Variants in GPR137B observed in about 807,000 individuals in gnomAD.
GPR137B encodes G protein-coupled receptor 137B, also known as integral membrane protein GPR137B.
In GPR137B, 42 loss-of-function variants were observed where a neutral mutation model predicts 42.5. The ratio of observed to expected loss-of-function variants is 0.99; its 90% CI spans 0.77 to 1.28. The LOEUF (loss-of-function observed/expected upper bound fraction) is 1.28, where lower values mean the gene tolerates loss of function less well. GPR137B is among the 50% of genes most tolerant of loss of function. GPR137B has a pLI of 0.00. For missense variants in GPR137B, 487 were observed against 493.9 expected (o/e 0.99, Z 0.13); for synonymous variants, 218 against 209.7 (o/e 1.04, Z -0.34).
At chr1:236,177,337 T>C (rs1419798012) in intron 2 of GPR137B, among the ~76,000 whole-genome samples, 1 of 152,028 alleles carries the variant, frequency 6.6e-6, no homozygotes, top group Admixed American at 6.6e-5. Context: ...CCTCTTTCTC[T>C]CTCTACCCCC....
Position 236,208,535 on chromosome 1 carries a change from G to C in GPR137B, c.*377G>C. On this transcript the variant is annotated 3_prime_UTR_variant, in exon 7 of 7. Coordinates refer to ENST00000366592, the MANE Select transcript of GPR137B (RefSeq NM_003272.4). ...ATGCATAATTCACTTTAAAAATATA[G>C]AATATATGGTCTAATAGTTTTTTAA... is the stretch of plus-strand genomic sequence containing the variant. 1 of 942,540 alleles carries C rather than the reference G, an allele frequency of 1.1e-6. No homozygotes were observed. The highest frequency in any genetic ancestry group is 4.8e-5 in the South Asian group (1 of 20,900). The allele number at this position is 942,540 out of a possible 1,614,324, so 58.4% of individuals were successfully genotyped here.
chr1:236,168,576 G>A (rs1024587816), intron 1 of GPR137B, 130 bp from the exon 2 acceptor site: 4 of 704,632 alleles, frequency 5.7e-6, no homozygotes, highest in South Asian at 4.7e-5. Context: ...TAACAAACGT[G>A]GACATTTCAA....
At position 236,208,902 on chromosome 1, in the gene GPR137B, T is replaced by C; in HGVS notation, c.*744T>C. 1.0e-6 allele frequency: 1 copy of C among 984,568 alleles called. No homozygotes were observed. Among genetic ancestry groups the C allele is most frequent in the Non-Finnish European group, 1.2e-6 (1 of 829,142 alleles). 61.0% of individuals were successfully genotyped at this position (984,568 alleles called of 1,614,324 possible). A position where few individuals can be genotyped will look rare whatever the true frequency, so the allele number is the denominator to read the frequency against. ...ATCCTATTAAACCTCCTCTGCTATG[T>C]TCACAGATTCTGCATAGTTTTTTTT... On this transcript the variant is annotated 3_prime_UTR_variant, in exon 7 of 7. Coordinates refer to ENST00000366592, the MANE Select transcript of GPR137B (RefSeq NM_003272.4).
chr1:236,208,180 A>G lies in GPR137B; in HGVS notation c.*22A>G. On this transcript the variant is annotated 3_prime_UTR_variant, in exon 7 of 7. Transcript: ENST00000366592. ...GTAGCATCAGTTAACAGTTTTATGG[A>G]CGATTCCTCAGATGAAAAGCTTCAG... The G allele has an allele frequency of 1.2e-6, 2 of 1,610,804 alleles. No homozygotes were observed. The highest frequency in any genetic ancestry group is 1.7e-5 in the Admixed American group (1 of 59,610).
At chr1:236,203,738 G>T (rs958664008) in intron 5 of GPR137B, among the ~76,000 whole-genome samples, 1 of 151,924 alleles carries the variant, frequency 6.6e-6, no homozygotes, top group African/African-American at 2.4e-5. Context: ...TCACTTCTTT[G>T]TTTAATTTCT....
intron 2 of GPR137B, among the ~76,000 whole-genome samples, chr1:236,172,932 C>T (rs993661185): frequency 5.9e-5 from 9 of 151,406 alleles, no homozygotes; most frequent in African/African-American, 2.2e-4. Context: ...ACTCAAGCGA[C>T]TCTCCCGCCT....
chr1:236,161,875 G>C (rs1033710648), intron 1 of GPR137B, among the ~76,000 whole-genome samples: 1 of 151,356 alleles, frequency 6.6e-6, no homozygotes, highest in African/African-American at 2.4e-5. Context: ...TCCTAGTCTC[G>C]GGTATGTCTT....
At chr1:236,174,461 C>T (rs745841834) in intron 2 of GPR137B, among the ~76,000 whole-genome samples, 4 of 152,088 alleles carry the variant, frequency 2.6e-5, no homozygotes, top group African/African-American at 4.8e-5. Context: ...CGGGGTGGGG[C>T]TTTAGGGCAA....
chr1:236,144,704 T>G (rs966391984), intron 1 of GPR137B, among the ~76,000 whole-genome samples: 3 of 152,052 alleles, frequency 2.0e-5, no homozygotes, highest in Admixed American at 6.5e-5. Context: ...GACACTTGGG[T>G]TTTGTAATTG....
intron 5 of GPR137B, among the ~76,000 whole-genome samples, chr1:236,188,443 G>T (rs189803217): frequency 6.6e-6 from 1 of 152,152 alleles, no homozygotes; most frequent in Admixed American, 6.5e-5. Flanking sequence ...ATTCAGTATG[G>T]TATTGGCTGT....
At chr1:236,159,700 T>G (rs1662134122) in intron 1 of GPR137B, among the ~76,000 whole-genome samples, 1 of 152,132 alleles carries the variant, frequency 6.6e-6, no homozygotes, top group Non-Finnish European at 1.5e-5. Context: ...CAGACTGATT[T>G]ATGAGGGCAG....
At chr1:236,186,586 T>C (rs977899061) in intron 5 of GPR137B, among the ~76,000 whole-genome samples, 1 of 142,426 alleles carries the variant, frequency 7.0e-6, no homozygotes, top group Non-Finnish European at 1.5e-5. Flanking sequence ...GAACATGCGG[T>C]GTTTGGTTTT....
rs1662038652 is a variant in GPR137B, at chr1:236,156,670, AT to A, written c.415-12033del. On this transcript the variant is annotated intron_variant, in intron 1 of 6. Coordinates refer to ENST00000366592, the MANE Select transcript of GPR137B (RefSeq NM_003272.4). This position sits in a 1 kb window ranked among gnomAD's most constrained non-coding sequence, Gnocchi z 4.8. ...CAGAAAGGAGAACTCCGGTGTCTGGATTTCGGGGACCGACTGTCTTGTCACC... is the reference window on the plus strand; with the variant it reads ...CAGAAAGGAGAACTCCGGTGTCTGGATTCGGGGACCGACTGTCTTGTCACC... Among the ~76,000 whole-genome samples the A allele has an allele frequency of 1.3e-5, 2 of 152,168 alleles. No individual in the cohort carries two copies. The highest frequency in any genetic ancestry group is 2.1e-4 in the South Asian group (1 of 4,828).
chr1:236,189,681 C>G (rs1320905243), intron 5 of GPR137B, among the ~76,000 whole-genome samples: 2 of 151,238 alleles, frequency 1.3e-5, no homozygotes, highest in Non-Finnish European at 3.0e-5. Flanking sequence ...GTCTGAGAGA[C>G]TGTTATGATT....
chr1:236,202,581 T>C (rs1030509923), intron 5 of GPR137B, among the ~76,000 whole-genome samples: 1 of 152,036 alleles, frequency 6.6e-6, no homozygotes, highest in African/African-American at 2.4e-5. Flanking sequence ...ATGTAAGCCC[T>C]ATCTCCTATC....
At chr1:236,193,084 G>T (rs1663240333) in intron 5 of GPR137B, among the ~76,000 whole-genome samples, 1 of 151,828 alleles carries the variant, frequency 6.6e-6, no homozygotes, top group South Asian at 2.1e-4. Context: ...TAGTAGAGAT[G>T]GGGTTTCATT....
chr1:236,150,506 C>T lies in GPR137B; in HGVS notation c.414+7470C>T, dbSNP rs928681601. Reference sequence around the variant, plus strand: ...TGAGGCTGTGACCGCATCAGTGCCTCGGTGATGCCCTGCCAACCGAGGGGG... The same window carrying T: ...TGAGGCTGTGACCGCATCAGTGCCTTGGTGATGCCCTGCCAACCGAGGGGG... On this transcript the variant is annotated intron_variant, in intron 1 of 6. Coordinates refer to ENST00000366592, the MANE Select transcript of GPR137B (RefSeq NM_003272.4). The surrounding 1 kb of genome is among the most constrained non-coding windows in gnomAD (Gnocchi z 6.2). Among the ~76,000 whole-genome samples, 4 of 152,166 alleles carry T rather than the reference C, an allele frequency of 2.6e-5. No homozygotes were observed. Among genetic ancestry groups the T allele is most frequent in the East Asian group, 1.9e-4 (1 of 5,204 alleles).
chr1:236,158,836 G>C (rs890260201), intron 1 of GPR137B, among the ~76,000 whole-genome samples: 4 of 152,198 alleles, frequency 2.6e-5, no homozygotes, highest in Admixed American at 2.6e-4. Context: ...TGGCTTAGGG[G>C]AGAGGATTTA....
intron 4 of GPR137B, among the ~76,000 whole-genome samples, chr1:236,181,045 G>A (rs1662856703): frequency 6.6e-6 from 1 of 151,996 alleles, no homozygotes; most frequent in African/African-American, 2.4e-5. Context: ...TTATGAGAAT[G>A]TTTTTGTTTT....
Sources: gnomAD v4.1 joint callset for allele counts (sites outside exome capture counted in the v4.1 genomes callset) on GRCh38, gnomAD v4.1.1 for gene constraint, Gnocchi (gnomAD v3.1) non-coding constraint, MANE v1.5 for transcripts, NCBI Gene and HGNC (gene_info 2026-07-23, HGNC 2026-07-21) for gene names.